Variants in NELL1 observed in about 807,000 individuals in gnomAD.
NELL1 encodes protein kinase C-binding protein NELL1.
Under a neutral mutation model 107.4 loss-of-function variants are expected in NELL1, and 76 were observed. That is an observed-to-expected ratio of 0.71 (90% CI 0.59 to 0.86). NELL1 has a LOEUF of 0.86. Ranked by LOEUF, NELL1 falls within the 40% of genes least tolerant of loss-of-function variation. NELL1 has a pLI of 0.00. For synonymous variants in NELL1, 353 were observed against 341.2 expected, an observed-to-expected ratio of 1.03 and a Z score of -0.38; for missense variants, 1,024 against 1,005.5, an observed-to-expected ratio of 1.02 and a Z score of -0.25.
At chr11:21,483,437 C>T (rs1014855192) in intron 15 of NELL1, among the ~76,000 whole-genome samples, 2 of 152,092 alleles carry the variant, frequency 1.3e-5, no homozygotes, top group South Asian at 2.1e-4. Flanking sequence ...ACTAAATGAA[C>T]TGCTACACAG....
chr11:20,820,426 C>G (rs927959249), intron 3 of NELL1, among the ~76,000 whole-genome samples: 3 of 152,156 alleles, frequency 2.0e-5, no homozygotes, highest in Non-Finnish European at 4.4e-5. Context: ...AGAGGCAGGT[C>G]ACTCAACAGT....
At chr11:20,999,621 C>T (rs1230292599) in intron 12 of NELL1, among the ~76,000 whole-genome samples, 1 of 151,784 alleles carries the variant, frequency 6.6e-6, no homozygotes, top group Non-Finnish European at 1.5e-5. Context: ...GAGGAGCATC[C>T]ATTGAATTCA....
intron 13 of NELL1, among the ~76,000 whole-genome samples, chr11:21,118,176 G>A (rs985729143): frequency 2.6e-5 from 4 of 151,982 alleles, no homozygotes; most frequent in African/African-American, 9.7e-5. Flanking sequence ...ATGAAAAATG[G>A]CCCTTGATTG....
intron 13 of NELL1, among the ~76,000 whole-genome samples, chr11:21,219,744 C>T (rs1035283717): frequency 2.0e-5 from 3 of 152,130 alleles, no homozygotes; most frequent in African/African-American, 7.2e-5. Context: ...TGTCCTTTCT[C>T]CAATGTAAGT....
chr11:21,536,186 G>A (rs191668889), intron 16 of NELL1, among the ~76,000 whole-genome samples: 2 of 152,248 alleles, frequency 1.3e-5, no homozygotes, highest in Admixed American at 1.3e-4. Context: ...GAGGCTTGGT[G>A]TACAGATGAT....
chr11:21,545,047 A>G (rs1252769522), intron 16 of NELL1, among the ~76,000 whole-genome samples: 1 of 151,976 alleles, frequency 6.6e-6, no homozygotes. Context: ...AATGTGAATT[A>G]CTCAAAACAA....
At chr11:21,021,464 G>C (rs78228840) in intron 12 of NELL1, among the ~76,000 whole-genome samples, 9,871 of 152,120 alleles carry the variant, frequency 0.065, 433 homozygotes, top group South Asian at 0.17. Flanking sequence ...TTTAGGCATG[G>C]GGCTTAAAAC....
At chr11:20,868,634 A>G (rs1334894321) in intron 4 of NELL1, among the ~76,000 whole-genome samples, 2 of 152,164 alleles carry the variant, frequency 1.3e-5, no homozygotes, top group East Asian at 3.8e-4. Context: ...GAATTATATG[A>G]ATGAGTAAAT....
intron 14 of NELL1, among the ~76,000 whole-genome samples, chr11:21,320,216 G>C (rs2133664175): frequency 6.6e-6 from 1 of 152,152 alleles, no homozygotes; most frequent in Middle Eastern, 3.4e-3. Context: ...GTTCAAAGCA[G>C]ATCTACTTGA....
At chr11:21,324,465 A>G (rs1850083690) in intron 14 of NELL1, among the ~76,000 whole-genome samples, 1 of 152,070 alleles carries the variant, frequency 6.6e-6, no homozygotes, top group Non-Finnish European at 1.5e-5. Flanking sequence ...ATTTTCTTCT[A>G]ATATTTGTTC....
intron 2 of NELL1, among the ~76,000 whole-genome samples, chr11:20,781,078 A>T (rs1010676496): frequency 1.3e-5 from 2 of 152,208 alleles, no homozygotes; most frequent in Non-Finnish European, 2.9e-5. Flanking sequence ...GTATGGAAGC[A>T]GGAAGGAGAT....
At chr11:20,674,352 C>T in intron 1 of NELL1, 1 of 657,116 alleles carries the variant, frequency 1.5e-6, no homozygotes, top group Middle Eastern at 4.1e-4. Flanking sequence ...TGAAACAACC[C>T]CCAGCTGGGC....
chr11:21,259,274 C>G (rs1319407001), intron 14 of NELL1, among the ~76,000 whole-genome samples: 1 of 151,684 alleles, frequency 6.6e-6, no homozygotes, highest in African/African-American at 2.4e-5. Context: ...TTCTATTGTG[C>G]TTTAAGGGAG....
intron 15 of NELL1, among the ~76,000 whole-genome samples, chr11:21,459,791 G>A (rs1853851869): frequency 6.6e-6 from 1 of 151,972 alleles, no homozygotes; most frequent in Admixed American, 6.6e-5. Context: ...GTAGAGGAGA[G>A]GTGGTAAAGT....
At chr11:21,009,069 A>T (rs1422669916) in intron 12 of NELL1, among the ~76,000 whole-genome samples, 1 of 152,084 alleles carries the variant, frequency 6.6e-6, no homozygotes. Flanking sequence ...ACCTGTGTTT[A>T]TTTGGTATGT....
At chr11:20,713,302 G>T (rs1272525083) in intron 2 of NELL1, among the ~76,000 whole-genome samples, 1 of 152,146 alleles carries the variant, frequency 6.6e-6, no homozygotes, top group Admixed American at 6.5e-5. Flanking sequence ...ATTTAGGCAG[G>T]TCTGGGCTCA....
intron 14 of NELL1, among the ~76,000 whole-genome samples, chr11:21,272,852 A>G (rs1227075843): frequency 2.0e-5 from 3 of 152,254 alleles, no homozygotes; most frequent in Admixed American, 2.0e-4. Flanking sequence ...CCTGACTGTT[A>G]GAAGGAAAAC....
chr11:20,904,065 C>G lies in NELL1; in HGVS notation c.604-14117C>G, dbSNP rs116505685. 4.4e-3 allele frequency among the ~76,000 whole-genome samples: 673 copies of G among 152,242 alleles called. 3 individuals carry two copies. The highest frequency in any genetic ancestry group is 0.015 in the African/African-American group (642 of 41,568). Reference sequence around the variant, plus strand: ...AAATTATTTTGCATATCTATTCTAACTATCTGGGACTATGTGAAGAACTGA... The same window carrying G: ...AAATTATTTTGCATATCTATTCTAAGTATCTGGGACTATGTGAAGAACTGA... On this transcript the variant is annotated intron_variant, in intron 5 of 19. Coordinates refer to ENST00000357134, the MANE Select transcript of NELL1 (RefSeq NM_006157.5).
chr11:20,992,733 A>C (rs1375287350), intron 12 of NELL1, among the ~76,000 whole-genome samples: 1 of 66,736 alleles, frequency 1.5e-5, no homozygotes, highest in Non-Finnish European at 2.8e-5. Flanking sequence ...TTTTTTTTTG[A>C]AACAGAGTTT....
Sources: gnomAD v4.1 joint callset for allele counts (sites outside exome capture counted in the v4.1 genomes callset) on GRCh38, gnomAD v4.1.1 for gene constraint, MANE v1.5 for transcripts, NCBI Gene and HGNC (gene_info 2026-07-23, HGNC 2026-07-21) for gene names.